ZNF474: variants seen among roughly 807,000 people sequenced by gnomAD.
ZNF474 encodes the protein 4933409D10Rik.
For synonymous variants in ZNF474, 192 were observed against 162.2 expected, an observed-to-expected ratio of 1.18 and a Z score of -1.39; for missense variants, 511 against 433.8, an observed-to-expected ratio of 1.18 and a Z score of -1.58.
intron 1 of ZNF474, among the ~76,000 whole-genome samples, chr5:122,133,289 T>C (rs1275929463): frequency 6.6e-6 from 1 of 152,200 alleles, no homozygotes; most frequent in Admixed American, 6.5e-5. Context: ...CAAGAAAACA[T>C]TATTTATAAC....
chr5:122,150,884 T>G (rs1007193022), intron 1 of ZNF474, among the ~76,000 whole-genome samples: 1 of 152,168 alleles, frequency 6.6e-6, no homozygotes, highest in African/African-American at 2.4e-5. Flanking sequence ...AAAAAGAGCC[T>G]CAAGCAGCAT....
At chr5:122,146,816 C>T (rs1379945051) in intron 1 of ZNF474, among the ~76,000 whole-genome samples, 1 of 152,212 alleles carries the variant, frequency 6.6e-6, no homozygotes, top group East Asian at 1.9e-4. Flanking sequence ...GAAATCTGTT[C>T]TCAACTGGCT....
intron 1 of ZNF474, among the ~76,000 whole-genome samples, chr5:122,137,110 A>T (rs1382073114): frequency 1.3e-5 from 2 of 152,170 alleles, no homozygotes; most frequent in Admixed American, 1.3e-4. Context: ...GGTGATGGTG[A>T]TATCAGTTCC....
chr5:122,133,533 T>C (rs1414015017), intron 1 of ZNF474, among the ~76,000 whole-genome samples: 1 of 152,194 alleles, frequency 6.6e-6, no homozygotes, highest in Non-Finnish European at 1.5e-5. Flanking sequence ...ATTATTTCTA[T>C]TAGTTGCATT....
intron 1 of ZNF474, among the ~76,000 whole-genome samples, chr5:122,132,508 AAAGT>A (rs1755601146): frequency 6.6e-6 from 1 of 152,038 alleles, no homozygotes; most frequent in Admixed American, 6.6e-5. Flanking sequence ...TAATTAAGAG[AAAGT>A]ATAATTTATT....
chr5:122,152,752 C>T lies in ZNF474; in HGVS notation c.762C>T (p.Leu254=). The part of the protein sequence containing the change: ...LEKWKMENDR[L]PVELHQPLPQ... ...AGTGGAAAATGGAAAATGACCGGCT[C>T]CCTGTGGAGCTCCACCAGCCACTCC... The change falls in exon 2 of 2, where the codon CTC becomes CTT. Residue 254 remains leucine (L), a synonymous_variant. Transcript: ENST00000296600. 2 of 1,614,138 alleles carry T rather than the reference C, an allele frequency of 1.2e-6. No individual in the cohort carries two copies. Among genetic ancestry groups the T allele is most frequent in the African/African-American group, 2.7e-5 (2 of 75,024 alleles).
At chr5:122,137,047 G>C (rs1340171487) in intron 1 of ZNF474, among the ~76,000 whole-genome samples, 2 of 152,178 alleles carry the variant, frequency 1.3e-5, no homozygotes, top group Non-Finnish European at 2.9e-5. Flanking sequence ...CATAGGTGCT[G>C]AGTGCTGTAA....
At chr5:122,132,138 G>A (rs1350209622) in intron 1 of ZNF474, among the ~76,000 whole-genome samples, 1 of 152,010 alleles carries the variant, frequency 6.6e-6, no homozygotes, top group Non-Finnish European at 1.5e-5. Context: ...TATTCAAAGG[G>A]ATCCATGTAG....
intron 1 of ZNF474, among the ~76,000 whole-genome samples, chr5:122,137,783 G>C (rs143471033): frequency 1.3e-5 from 2 of 152,286 alleles, no homozygotes; most frequent in African/African-American, 4.8e-5. Context: ...TTTATTTTGA[G>C]AGTAGTGGGA....
chr5:122,149,197 T>C (rs906694047), intron 1 of ZNF474, among the ~76,000 whole-genome samples: 4 of 152,150 alleles, frequency 2.6e-5, no homozygotes, highest in African/African-American at 7.2e-5. Flanking sequence ...CTATGCTTAC[T>C]ACCTGGGAGA....
rs532103189 is a variant in ZNF474 at position 122,143,807 on chromosome 5, C to A, written c.-212-7972C>A. ...TTATTTCTTTAAACTAATAATCTAACAATCCTCATCTGGGGAGTCATTTAA... is the reference window on the plus strand; with the variant it reads ...TTATTTCTTTAAACTAATAATCTAAAAATCCTCATCTGGGGAGTCATTTAA... On this transcript the variant is annotated intron_variant, in intron 1 of 1. Coordinates refer to ENST00000296600, the MANE Select transcript of ZNF474 (RefSeq NM_207317.3). Among the ~76,000 whole-genome samples, 403 of 152,206 alleles carry A rather than the reference C, an allele frequency of 2.6e-3. 2 individuals are homozygous for A. Among genetic ancestry groups the A allele is most frequent in the Non-Finnish European group, 3.7e-3 (254 of 68,008 alleles).
chr5:122,142,015 A>AT (rs527414250), intron 1 of ZNF474, among the ~76,000 whole-genome samples: 19 of 152,238 alleles, frequency 1.2e-4, no homozygotes, highest in African/African-American at 4.1e-4. Flanking sequence ...TATAAGCCAC[A>AT]TTTTTCTAGT....
In ZNF474 at chr5:122,152,529, T is replaced by C; in HGVS notation, c.539T>C (p.Leu180Pro). The C allele has an allele frequency of 6.2e-7, 1 of 1,614,172 alleles. No individual in the cohort carries two copies. Among genetic ancestry groups the C allele is most frequent in the Non-Finnish European group, 8.5e-7 (1 of 1,180,026 alleles). ...GGCCGCACATTCTTGCCAGATCATC[T>C]TCTTGTTCATCACAGAAGCTGCAAG... ...SCGRTFLPDH[L>P]LVHHRSCKPK... The change falls in exon 2 of 2, where the codon CTT (leucine) becomes CCT (proline). Residue 180 changes from leucine (L) to proline (P), a missense_variant. By Grantham distance (98) the Leu-to-Pro change is moderately conservative (BLOSUM62 -3). Transcript: ENST00000296600.
At position 122,153,250 on chromosome 5, in the gene ZNF474, G is replaced by C. The variant is rs543245604; in HGVS notation, c.*165G>C. 2.9e-5 allele frequency: 23 copies of C among 791,330 alleles called. No individual in the cohort carries two copies. In the Middle Eastern group the frequency reaches 1.0e-3, roughly 36 times the overall value. 49.0% of individuals were successfully genotyped at this position (791,330 alleles called of 1,614,324 possible). A position where few individuals can be genotyped will look rare whatever the true frequency, so the allele number is the denominator to read the frequency against. ...AATAGATATAAGAACATCCTTGCCT[G>C]ATGGGTTCATATTCCTCTTCAATTC... On this transcript the variant is annotated 3_prime_UTR_variant, in exon 2 of 2. Transcript: ENST00000296600.
At chr5:122,135,504 G>A (rs531030921) in intron 1 of ZNF474, among the ~76,000 whole-genome samples, 10 of 152,142 alleles carry the variant, frequency 6.6e-5, no homozygotes, top group Non-Finnish European at 1.0e-4. Context: ...GATTGGTGGC[G>A]AGGATGTGGA....
At chr5:122,130,944 T>C (rs1044927612) in intron 1 of ZNF474, among the ~76,000 whole-genome samples, 4 of 152,170 alleles carry the variant, frequency 2.6e-5, no homozygotes, top group Non-Finnish European at 5.9e-5. Flanking sequence ...ATTAGGTTTC[T>C]AGCATTTACT....
At chr5:122,144,380 C>T (rs1251685073) in intron 1 of ZNF474, among the ~76,000 whole-genome samples, 1 of 152,172 alleles carries the variant, frequency 6.6e-6, no homozygotes, top group East Asian at 1.9e-4. Flanking sequence ...TAGTGAGAAG[C>T]ATTGGAAGAG....
intron 1 of ZNF474, among the ~76,000 whole-genome samples, chr5:122,135,708 A>G (rs1164381284): frequency 6.6e-6 from 1 of 152,186 alleles, no homozygotes; most frequent in Non-Finnish European, 1.5e-5. Context: ...TATTGCAGCA[A>G]TATCCACAAG....
chr5:122,134,451 C>G (rs148586216), intron 1 of ZNF474, among the ~76,000 whole-genome samples: 418 of 152,306 alleles, frequency 2.7e-3, no homozygotes, highest in Non-Finnish European at 4.2e-3. Flanking sequence ...TTTAAATGGT[C>G]TAACAGAAGG....
Sources: gnomAD v4.1 joint callset for allele counts (sites outside exome capture counted in the v4.1 genomes callset) on GRCh38, gnomAD v4.1.1 for gene constraint, MANE v1.5 for transcripts, NCBI Gene and HGNC (gene_info 2026-07-23, HGNC 2026-07-21) for gene names.